Variants in RBMS1 observed in about 807,000 individuals in gnomAD.
RBMS1 encodes the protein RNA-binding motif, single-stranded-interacting protein 1.
RBMS1 carries 17 observed loss-of-function variants against 62.3 expected under a neutral mutation model. The ratio of observed to expected loss-of-function variants is 0.27; its 90% CI spans 0.19 to 0.41. The LOEUF (loss-of-function observed/expected upper bound fraction) is 0.41. RBMS1 is among the 10% of genes least tolerant of loss of function. RBMS1 has a pLI of 1.00. For missense variants in RBMS1, 334 were observed against 504.5 expected, an observed-to-expected ratio of 0.66 and a Z score of 3.24; for synonymous variants, 172 against 170.0, an observed-to-expected ratio of 1.01 and a Z score of -0.09.
intron 1 of RBMS1, among the ~76,000 whole-genome samples, chr2:160,406,445 C>G (rs911980996): frequency 1.3e-5 from 2 of 152,198 alleles, no homozygotes; most frequent in Admixed American, 6.5e-5. Flanking sequence ...GGCTACAGTT[C>G]GCTTGCATCC....
At chr2:160,374,531 G>A (rs1387600023) in intron 1 of RBMS1, among the ~76,000 whole-genome samples, 2 of 152,160 alleles carry the variant, frequency 1.3e-5, no homozygotes, top group Non-Finnish European at 2.9e-5. Flanking sequence ...CTCACATGTA[G>A]AAAAGAATTT....
intron 1 of RBMS1, among the ~76,000 whole-genome samples, chr2:160,418,774 A>G (rs1252213591): frequency 6.6e-6 from 1 of 152,178 alleles, no homozygotes; most frequent in Admixed American, 6.5e-5. Context: ...ATTTATCTGT[A>G]ATGTTCCCCT....
At chr2:160,292,894 T>A (rs1688753066) in intron 6 of RBMS1, among the ~76,000 whole-genome samples, 1 of 152,214 alleles carries the variant, frequency 6.6e-6, no homozygotes, top group South Asian at 2.1e-4. Flanking sequence ...TAGGAATGAA[T>A]TTGAATTCTG....
intron 6 of RBMS1, 41 bp from the exon 7 acceptor site, chr2:160,287,125 C>G (rs757071922): frequency 1.8e-5 from 29 of 1,606,040 alleles, no homozygotes; most frequent in Middle Eastern, 1.6e-4. Flanking sequence ...CACAATGATA[C>G]GTGTATGTGG....
rs774141872 is a variant in RBMS1, at chr2:160,272,720, T to A, written c.*2052A>T. On this transcript the variant is annotated 3_prime_UTR_variant, in exon 14 of 14. Coordinates refer to ENST00000348849, the MANE Select transcript of RBMS1 (RefSeq NM_016836.4). ...CAAAGCAGTAATATTCCAGGGAGCA[T>A]AGAACCAATAATACCACAACTTTAA... 6.6e-6 allele frequency: 1 copy of A among 152,150 alleles called. No homozygotes were observed. Among genetic ancestry groups the A allele is most frequent in the Non-Finnish European group, 1.5e-5 (1 of 68,060 alleles). The allele number at this position is 152,150 out of a possible 1,614,324, so 9.4% of individuals were successfully genotyped here.
intron 1 of RBMS1, among the ~76,000 whole-genome samples, chr2:160,439,770 G>A (rs1431105296): frequency 6.6e-6 from 1 of 152,252 alleles, no homozygotes; most frequent in Non-Finnish European, 1.5e-5. Context: ...GCACCACTGA[G>A]CACTGAGTGA....
chr2:160,316,882 ATTTTTCT>A (rs1690255043), intron 3 of RBMS1, among the ~76,000 whole-genome samples: 1 of 152,008 alleles, frequency 6.6e-6, no homozygotes, highest in Admixed American at 6.6e-5. Context: ...GCAAGAGTCT[ATTTTTCT>A]TTATAAAACC....
intron 1 of RBMS1, among the ~76,000 whole-genome samples, chr2:160,474,596 C>T (rs138624445): frequency 4.5e-4 from 68 of 152,146 alleles, no homozygotes; most frequent in African/African-American, 1.5e-3. Context: ...GAATTGTACA[C>T]AAAAAATGGT....
At chr2:160,426,284 AG>A (rs1682597256) in intron 1 of RBMS1, among the ~76,000 whole-genome samples, 12 of 116,004 alleles carry the variant, frequency 1.0e-4, no homozygotes, top group African/African-American at 3.8e-4. Context: ...AAAGAAAGAA[AG>A]AAAGAAAAGA....
chr2:160,298,942 G>A (rs1467590896), intron 6 of RBMS1, among the ~76,000 whole-genome samples: 3 of 151,274 alleles, frequency 2.0e-5, no homozygotes, highest in African/African-American at 2.4e-5. Flanking sequence ...AAGCCAAGGA[G>A]AGAAGCCTGA....
chr2:160,284,862 A>G lies in RBMS1; in HGVS notation c.813T>C (p.Tyr271=), dbSNP rs141213770. Residue 271 remains tyrosine (Y), a synonymous_variant, in exon 9 of 14, where the codon TAT becomes TAC. Transcript: ENST00000348849. ...PTTAAIQNGF[Y]PSPYSIATNR... ...TTGTAGCAATACTGTATGGTGAAGGATAAAATCTAGAACAAACACAAAAGC... is the reference window on the plus strand; with the variant it reads ...TTGTAGCAATACTGTATGGTGAAGGGTAAAATCTAGAACAAACACAAAAGC... 8 of 1,602,942 alleles carry G rather than the reference A, an allele frequency of 5.0e-6. No individual in the cohort carries two copies. In the African/African-American group the frequency reaches 9.4e-5, roughly 19 times the overall value.
intron 1 of RBMS1, among the ~76,000 whole-genome samples, chr2:160,469,804 T>C (rs1684845407): frequency 1.3e-5 from 2 of 152,092 alleles, no homozygotes; most frequent in Admixed American, 6.6e-5. Flanking sequence ...GGTTAACAGA[T>C]TTCAAAAAGC....
intron 1 of RBMS1, among the ~76,000 whole-genome samples, chr2:160,428,956 G>T (rs536415149): frequency 6.6e-6 from 1 of 152,272 alleles, no homozygotes; most frequent in African/African-American, 2.4e-5. Context: ...AACACTTTGG[G>T]ATCCCTATGA....
rs556393745 is a variant in RBMS1 at position 160,484,638 on chromosome 2, G to A, written c.75+8651C>T. ...GTAATCCCAGCACTTTGGGAGGCCCGGGGCGGGCGGATCACGAGGTCAGGA... is the reference window on the plus strand; with the variant it reads ...GTAATCCCAGCACTTTGGGAGGCCCAGGGCGGGCGGATCACGAGGTCAGGA... On this transcript the variant is annotated intron_variant, in intron 1 of 13. Coordinates refer to ENST00000348849, the MANE Select transcript of RBMS1 (RefSeq NM_016836.4). 1.3e-4 allele frequency among the ~76,000 whole-genome samples: 19 copies of A among 151,898 alleles called. No homozygotes were observed. In the East Asian group the frequency reaches 3.1e-3, roughly 25 times the overall value.
chr2:160,345,869 A>G (rs976224129), intron 2 of RBMS1, among the ~76,000 whole-genome samples: 1 of 152,090 alleles, frequency 6.6e-6, no homozygotes, highest in Non-Finnish European at 1.5e-5. Flanking sequence ...TTAAAACTTA[A>G]AGAAGGTTGG....
At chr2:160,462,884 C>T (rs964281329) in intron 1 of RBMS1, among the ~76,000 whole-genome samples, 10 of 152,218 alleles carry the variant, frequency 6.6e-5, no homozygotes, top group African/African-American at 2.4e-4. Context: ...GCGTGAGCCA[C>T]AGCACCTGGC....
intron 2 of RBMS1, among the ~76,000 whole-genome samples, chr2:160,340,790 G>C (rs1024314187): frequency 6.6e-6 from 1 of 152,076 alleles, no homozygotes; most frequent in African/African-American, 2.4e-5. Context: ...AGAAAACTGG[G>C]ATACCCATAG....
chr2:160,291,420 C>T (rs1688673009), intron 6 of RBMS1, among the ~76,000 whole-genome samples: 1 of 152,214 alleles, frequency 6.6e-6, no homozygotes, highest in South Asian at 2.1e-4. Context: ...CTCCTCAACT[C>T]ACAAAATGCA....
chr2:160,486,856 G>A (rs1397325059), intron 1 of RBMS1, among the ~76,000 whole-genome samples: 1 of 152,082 alleles, frequency 6.6e-6, no homozygotes, highest in Non-Finnish European at 1.5e-5. Context: ...CCTCCCCTTT[G>A]CCGGAAGCAA....
Sources: gnomAD v4.1 joint callset for allele counts (sites outside exome capture counted in the v4.1 genomes callset) on GRCh38, gnomAD v4.1.1 for gene constraint, MANE v1.5 for transcripts, NCBI Gene and HGNC (gene_info 2026-07-23, HGNC 2026-07-21) for gene names.